Variants in ERO1A observed in about 807,000 individuals in gnomAD.
The protein encoded by ERO1A is ERO1-like protein alpha.
A neutral mutation model predicts 76.9 loss-of-function variants in ERO1A; 49 were observed. The observed-to-expected ratio is 0.64, with a 90% CI of 0.51 to 0.81. The LOEUF is 0.81. ERO1A is among the 30% of genes least tolerant of loss of function. ERO1A has a pLI of 0.00. For missense variants in ERO1A, 448 were observed against 542.1 expected (o/e 0.83, Z 1.72); for synonymous variants, 174 against 181.2 (o/e 0.96, Z 0.32).
intron 11 of ERO1A, among the ~76,000 whole-genome samples, chr14:52,656,730 A>G (rs1351286588): frequency 2.1e-5 from 3 of 143,908 alleles, no homozygotes; most frequent in African/African-American, 7.6e-5. Flanking sequence ...AAAAAAAAAA[A>G]CAGTAAAATT....
chr14:52,678,328 G>T, intron 4 of ERO1A, 106 bp downstream of exon 4: 1 of 759,460 alleles, frequency 1.3e-6, no homozygotes, highest in East Asian at 2.5e-5. Flanking sequence ...CCTCTCAAGG[G>T]GTTTCACCAC....
intron 9 of ERO1A, chr14:52,658,423 A>G (rs2040123284): frequency 3.3e-6 from 1 of 305,142 alleles, no homozygotes; most frequent in South Asian, 7.1e-5. Context: ...GTTTTACAGG[A>G]GGTCAAAATA....
chr14:52,642,576 A>G lies in ERO1A; in HGVS notation c.*994T>C, dbSNP rs2039511652. 1 of 152,290 alleles carries G rather than the reference A, an allele frequency of 6.6e-6. No individual in the cohort carries two copies. The highest frequency in any genetic ancestry group is 2.1e-4 in the South Asian group (1 of 4,826). 9.4% of individuals were successfully genotyped at this position (152,290 alleles called of 1,614,324 possible). On this transcript the variant is annotated 3_prime_UTR_variant, in exon 16 of 16. Transcript: ENST00000395686. ...ATTATTCAGTATTACACACTGAAGTATTTAGGGTTTAAGGGGCATGATGCC... is the reference window on the plus strand; with the variant it reads ...ATTATTCAGTATTACACACTGAAGTGTTTAGGGTTTAAGGGGCATGATGCC...
intron 7 of ERO1A, among the ~76,000 whole-genome samples, chr14:52,664,744 T>G (rs997827215): frequency 8.3e-6 from 1 of 120,396 alleles, no homozygotes; most frequent in Non-Finnish European, 1.9e-5. Context: ...CAGGCTGGAG[T>G]GCAGTGGTGC....
At chr14:52,694,205 C>CAGA (rs1566650033) in intron 1 of ERO1A, among the ~76,000 whole-genome samples, 1 of 151,672 alleles carries the variant, frequency 6.6e-6, no homozygotes, top group African/African-American at 2.4e-5. Flanking sequence ...TATTTCTAAT[C>CAGA]AGAAGAAAAA....
chr14:52,649,650 A>T (rs1290374642), intron 13 of ERO1A, among the ~76,000 whole-genome samples: 1 of 145,056 alleles, frequency 6.9e-6, no homozygotes, highest in Non-Finnish European at 1.5e-5. Flanking sequence ...CAAGTAAACT[A>T]AAAAAAAAAA....
intron 3 of ERO1A, among the ~76,000 whole-genome samples, chr14:52,680,082 CAAAA>C (rs35358193): frequency 0.17 from 15,245 of 91,484 alleles, 887 homozygotes; most frequent in South Asian, 0.3. Flanking sequence ...AAAACACAAA[CAAAA>C]AAAAAAAAAA....
intron 1 of ERO1A, among the ~76,000 whole-genome samples, chr14:52,694,491 T>A (rs1301978579): frequency 1.3e-5 from 2 of 152,182 alleles, no homozygotes; most frequent in Admixed American, 1.3e-4. Context: ...TGATAATAAA[T>A]TAATAGCAAA....
At chr14:52,652,189 G>T in intron 13 of ERO1A, 50 bp downstream of exon 13, 2 of 1,125,046 alleles carry the variant, frequency 1.8e-6, no homozygotes, top group Non-Finnish European at 2.7e-6. Flanking sequence ...ATTCATATCT[G>T]CATAAGTGTT....
intron 4 of ERO1A, among the ~76,000 whole-genome samples, chr14:52,677,789 G>T (rs949640627): frequency 6.8e-6 from 1 of 146,432 alleles, no homozygotes; most frequent in Non-Finnish European, 1.5e-5. Flanking sequence ...CTTTAGCCCA[G>T]GAGTTCAAGG....
intron 13 of ERO1A, among the ~76,000 whole-genome samples, chr14:52,649,798 G>A (rs1038970383): frequency 6.6e-6 from 1 of 152,162 alleles, no homozygotes; most frequent in African/African-American, 2.4e-5. Flanking sequence ...CTTCAAGTAG[G>A]AGGTAGATGG....
At chr14:52,650,057 A>C (rs992256580) in intron 13 of ERO1A, among the ~76,000 whole-genome samples, 2 of 152,070 alleles carry the variant, frequency 1.3e-5, no homozygotes, top group African/African-American at 4.8e-5. Flanking sequence ...ACTCAACAAA[A>C]AAATTTTAAA....
At chr14:52,651,676 A>C (rs1352598654) in intron 13 of ERO1A, among the ~76,000 whole-genome samples, 2 of 152,170 alleles carry the variant, frequency 1.3e-5, no homozygotes, top group Non-Finnish European at 2.9e-5. Flanking sequence ...TTTAATTGAC[A>C]AAAATTGTAT....
chr14:52,646,589 T>C, intron 13 of ERO1A, 128 bp from the exon 14 acceptor site: 1 of 630,302 alleles, frequency 1.6e-6, no homozygotes, highest in Non-Finnish European at 2.8e-6. Context: ...AGAACAGCAC[T>C]AATATTCATT....
chr14:52,672,793 A>C (rs2040650729), intron 4 of ERO1A, among the ~76,000 whole-genome samples: 1 of 146,822 alleles, frequency 6.8e-6, no homozygotes, highest in African/African-American at 2.5e-5. Context: ...AAAAAAAAAA[A>C]CAAAAAACAA....
Position 52,690,333 on chromosome 14 carries a change from A to G in ERO1A, c.114+5035T>C, listed in dbSNP as rs556540819. Among the ~76,000 whole-genome samples, 13 of 152,370 alleles carry G rather than the reference A, an allele frequency of 8.5e-5. 1 individual carries two copies. The East Asian group carries it at 1.3e-3, about 16-fold the overall frequency. ...AAACAAGCAACAAAATGAAAAGGCAACCTACAGAATGGGAGAAAATATTTG... is the reference window on the plus strand; with the variant it reads ...AAACAAGCAACAAAATGAAAAGGCAGCCTACAGAATGGGAGAAAATATTTG... On this transcript the variant is annotated intron_variant, in intron 1 of 15. Coordinates refer to ENST00000395686, the MANE Select transcript of ERO1A (RefSeq NM_014584.3).
intron 2 of ERO1A, 27 bp from the exon 3 acceptor site, chr14:52,682,435 T>C: frequency 2.0e-6 from 3 of 1,517,712 alleles, no homozygotes; most frequent in African/African-American, 1.4e-5. Context: ...GAAAAAAAAT[T>C]ATAAAAATCA....
intron 8 of ERO1A, 90 bp downstream of exon 8, chr14:52,663,711 C>A: frequency 3.9e-6 from 3 of 768,684 alleles, no homozygotes; most frequent in East Asian, 2.5e-5. Flanking sequence ...ATGACTTCAA[C>A]TGTTACTGTC....
At chr14:52,665,799 CCTCT>C (rs2040393851) in intron 7 of ERO1A, among the ~76,000 whole-genome samples, 1 of 152,176 alleles carries the variant, frequency 6.6e-6, no homozygotes, top group Non-Finnish European at 1.5e-5. Flanking sequence ...AATCATTTAA[CCTCT>C]CTAAGTCTCA....
Sources: gnomAD v4.1 joint callset for allele counts (sites outside exome capture counted in the v4.1 genomes callset) on GRCh38, gnomAD v4.1.1 for gene constraint, MANE v1.5 for transcripts, NCBI Gene and HGNC (gene_info 2026-07-23, HGNC 2026-07-21) for gene names.